The following RGS7 variants were observed in gnomAD, a reference collection of about 807,000 sequenced individuals.
RGS7 encodes the protein regulator of G-protein signaling 7.
In RGS7, 27 loss-of-function variants were observed where a neutral mutation model predicts 81.1. The ratio of observed to expected loss-of-function variants is 0.33; its 90% CI spans 0.25 to 0.46. The LOEUF (loss-of-function observed/expected upper bound fraction) is 0.46, where lower values mean the gene tolerates loss of function less well. Among genes scored for constraint, RGS7 ranks in the 20% least tolerant of loss-of-function variants. RGS7 has a pLI of 1.00. For missense variants in RGS7, 396 were observed against 607.4 expected, an observed-to-expected ratio of 0.65 and a Z score of 3.66; for synonymous variants, 208 against 207.7, an observed-to-expected ratio of 1.00 and a Z score of -0.01.
At chr1:241,195,820 TAAAG>T (rs2073028684) in intron 2 of RGS7, among the ~76,000 whole-genome samples, 2 of 150,682 alleles carry the variant, frequency 1.3e-5, no homozygotes, top group African/African-American at 2.4e-5. Context: ...TTACAGAAAA[TAAAG>T]AAAAGAGCAT....
At chr1:241,228,984 G>A (rs779758820) in intron 2 of RGS7, among the ~76,000 whole-genome samples, 4 of 151,684 alleles carry the variant, frequency 2.6e-5, no homozygotes, top group Non-Finnish European at 5.9e-5. Flanking sequence ...CAGCAGCTGA[G>A]TGAGGGGTAA....
intron 6 of RGS7, among the ~76,000 whole-genome samples, chr1:240,886,464 C>G (rs1667356189): frequency 6.6e-6 from 1 of 152,160 alleles, no homozygotes; most frequent in Admixed American, 6.5e-5. Context: ...AACCCTGTGG[C>G]ATCTTGCTTA....
chr1:241,213,898 G>A (rs2074395964), intron 2 of RGS7, among the ~76,000 whole-genome samples: 1 of 152,086 alleles, frequency 6.6e-6, no homozygotes, highest in Non-Finnish European at 1.5e-5. Context: ...CCAATTAGCT[G>A]GGACTACAGG....
At chr1:241,189,854 G>A (rs983724494) in intron 2 of RGS7, among the ~76,000 whole-genome samples, 1 of 151,884 alleles carries the variant, frequency 6.6e-6, no homozygotes, top group African/African-American at 2.4e-5. Context: ...GGTGGCTCAC[G>A]TCTGTAATCC....
intron 3 of RGS7, among the ~76,000 whole-genome samples, chr1:241,064,615 G>C (rs2061951366): frequency 6.6e-6 from 1 of 151,706 alleles, no homozygotes; most frequent in African/African-American, 2.4e-5. Context: ...CAAACATTTG[G>C]CCAGGTGAGG....
intron 3 of RGS7, chr1:240,998,683 T>G (rs1366681111): frequency 1.7e-6 from 2 of 1,153,944 alleles, no homozygotes; most frequent in Non-Finnish European, 2.6e-6. Flanking sequence ...GGTTCAACAT[T>G]TACACCGGCT....
At chr1:240,877,411 T>TA (rs1665619317) in intron 6 of RGS7, among the ~76,000 whole-genome samples, 1 of 151,538 alleles carries the variant, frequency 6.6e-6, no homozygotes, top group Admixed American at 6.6e-5. Flanking sequence ...GATTTTCTTT[T>TA]ATATATACAT....
intron 3 of RGS7, among the ~76,000 whole-genome samples, chr1:241,030,675 T>C (rs2060042319): frequency 6.6e-6 from 1 of 152,076 alleles, no homozygotes; most frequent in African/African-American, 2.4e-5. Context: ...TCTCAGCCAC[T>C]ATCATCTCTC....
At chr1:241,002,292 C>CA (rs556314548) in intron 3 of RGS7, among the ~76,000 whole-genome samples, 3,002 of 144,568 alleles carry the variant, frequency 0.021, 78 homozygotes, top group African/African-American at 0.059. Flanking sequence ...ACTAAAAATG[C>CA]AAAAAAAAAA....
intron 5 of RGS7, among the ~76,000 whole-genome samples, chr1:240,932,154 A>C (rs1239692466): frequency 6.6e-6 from 1 of 152,206 alleles, no homozygotes; most frequent in East Asian, 1.9e-4. Context: ...TCTACAGAAA[A>C]GTCTTTCCAA....
At chr1:241,227,877 G>A (rs1401837152) in intron 2 of RGS7, among the ~76,000 whole-genome samples, 1 of 152,140 alleles carries the variant, frequency 6.6e-6, no homozygotes, top group Non-Finnish European at 1.5e-5. Flanking sequence ...TCTGAAGGTA[G>A]GTGTTCCCCC....
At chr1:241,102,574 G>C (rs2064834852) in intron 2 of RGS7, among the ~76,000 whole-genome samples, 1 of 152,166 alleles carries the variant, frequency 6.6e-6, no homozygotes, top group East Asian at 1.9e-4. Context: ...TGGGATGTCT[G>C]CTCCCTCCAT....
chr1:241,113,194 A>G (rs1299736240), intron 2 of RGS7, among the ~76,000 whole-genome samples: 1 of 152,186 alleles, frequency 6.6e-6, no homozygotes, highest in Non-Finnish European at 1.5e-5. Flanking sequence ...CAGAATGTCT[A>G]GTTGCCTTCT....
chr1:240,891,878 T>C (rs925789909), intron 6 of RGS7, among the ~76,000 whole-genome samples: 1 of 152,194 alleles, frequency 6.6e-6, no homozygotes, highest in East Asian at 1.9e-4. Flanking sequence ...ATTTAATTTG[T>C]TGCTTTCTTA....
chr1:241,349,412 G>A (rs1463817816), intron 2 of RGS7, among the ~76,000 whole-genome samples: 3 of 152,140 alleles, frequency 2.0e-5, no homozygotes, highest in South Asian at 4.1e-4. Context: ...TTTTCCAGAC[G>A]ACAAAACAAC....
At chr1:240,976,037 A>G (rs1684018391) in intron 4 of RGS7, among the ~76,000 whole-genome samples, 1 of 152,232 alleles carries the variant, frequency 6.6e-6, no homozygotes, top group Non-Finnish European at 1.5e-5. Flanking sequence ...TGAGAATACC[A>G]TTGTAAGAAG....
At chr1:241,216,897 T>G (rs1196330396) in intron 2 of RGS7, among the ~76,000 whole-genome samples, 1 of 152,194 alleles carries the variant, frequency 6.6e-6, no homozygotes, top group Non-Finnish European at 1.5e-5. Flanking sequence ...GTCCTGACAA[T>G]GTCAGTTAAA....
At chr1:240,867,121 G>T (rs1360388557) in intron 9 of RGS7, among the ~76,000 whole-genome samples, 1 of 152,208 alleles carries the variant, frequency 6.6e-6, no homozygotes, top group Non-Finnish European at 1.5e-5. Flanking sequence ...ATTTTCAGTA[G>T]CAAAGCCAGT....
chr1:240,841,149 C>T (rs1657901044), intron 9 of RGS7, among the ~76,000 whole-genome samples: 1 of 152,112 alleles, frequency 6.6e-6, no homozygotes, highest in African/African-American at 2.4e-5. Flanking sequence ...TGTGATTAGC[C>T]CATCAGTTGA....
Sources: allele counts gnomAD v4.1 joint callset (sites outside exome capture counted in the v4.1 genomes callset), GRCh38; gene constraint gnomAD v4.1.1; transcripts MANE v1.5; gene names NCBI Gene and HGNC (gene_info 2026-07-23, HGNC 2026-07-21).